ARHGAP22: variants seen among roughly 807,000 people sequenced by gnomAD.
ARHGAP22 encodes the protein rho GTPase-activating protein 22.
Under a neutral mutation model 59.1 loss-of-function variants are expected in ARHGAP22, and 48 were observed. The observed-to-expected ratio is 0.81, with a 90% CI of 0.64 to 1.03. The LOEUF (loss-of-function observed/expected upper bound fraction) is 1.03, where lower values mean the gene tolerates loss of function less well. Among genes scored for constraint, ARHGAP22 ranks in the 50% least tolerant of loss-of-function variants. The probability of loss-of-function intolerance (pLI) is 0.00; values close to 1 mark genes in which losing one functional copy is unlikely to be tolerated. For missense variants in ARHGAP22, 1,015 were observed against 958.7 expected (o/e 1.06, Z -0.78); for synonymous variants, 445 against 416.4 (o/e 1.07, Z -0.84).
In ARHGAP22 at chr10:48,450,586, C is replaced by A; in HGVS notation, c.1543G>T (p.Ala515Ser). 1 of 1,542,550 alleles carries A rather than the reference C, an allele frequency of 6.5e-7. No homozygotes were observed. The highest frequency in any genetic ancestry group is 1.2e-5 in the South Asian group (1 of 83,506). Residue 515 changes from alanine (A) to serine (S), a missense_variant, in exon 9 of 10, where the codon GCC becomes TCC. Ala to Ser is a moderately conservative substitution (Grantham distance 99, BLOSUM62 1). Coordinates refer to ENST00000249601, the MANE Select transcript of ARHGAP22 (RefSeq NM_021226.4). ...CCCACCGACGACTCGCTGGACGAGG[C>A]CCCGGACCACGCCATACTGGCCACG... ...PSVASMAWSG[A>S]SSSESSVGGS...
At chr10:48,485,348 G>A (rs572144026) in intron 3 of ARHGAP22, among the ~76,000 whole-genome samples, 13 of 152,180 alleles carry the variant, frequency 8.5e-5, no homozygotes, top group South Asian at 2.1e-4. Context: ...TTTCCCTTTG[G>A]ATTTCTTCTT....
chr10:48,619,214 G>T (rs1319569974), intron 1 of ARHGAP22, among the ~76,000 whole-genome samples: 1 of 152,004 alleles, frequency 6.6e-6, no homozygotes, highest in Non-Finnish European at 1.5e-5. Context: ...AAAATAGAAA[G>T]GCATCACATA....
At chr10:48,651,667 G>A (rs1324652193) in intron 1 of ARHGAP22, among the ~76,000 whole-genome samples, 1 of 151,886 alleles carries the variant, frequency 6.6e-6, no homozygotes, top group East Asian at 1.9e-4. Context: ...CCCACCCAGC[G>A]AGCACCTGCC....
intron 3 of ARHGAP22, chr10:48,523,967 A>G: frequency 7.8e-7 from 1 of 1,283,134 alleles, no homozygotes; most frequent in Non-Finnish European, 1.0e-6. Context: ...GCGGCCCTGG[A>G]CACCCCGTGG....
chr10:48,542,997 C>T (rs931732126), intron 3 of ARHGAP22, among the ~76,000 whole-genome samples: 3 of 152,284 alleles, frequency 2.0e-5, no homozygotes, highest in East Asian at 1.9e-4. Context: ...CAGAGCAGCA[C>T]GGTCCTAGTG....
chr10:48,605,159 G>A (rs909869814), upstream of ARHGAP22: 3 of 1,153,488 alleles, frequency 2.6e-6, no homozygotes, highest in African/African-American at 1.6e-5. Context: ...GGGGCCGAGA[G>A]GGGCGGGGCC....
intron 1 of ARHGAP22, among the ~76,000 whole-genome samples, chr10:48,599,123 G>C (rs1220404098): frequency 6.6e-6 from 1 of 152,176 alleles, no homozygotes; most frequent in African/African-American, 2.4e-5. Flanking sequence ...ACTTCAAGCA[G>C]GAAGTTCCAA....
At chr10:48,435,005 T>C in the ARHGAP22 span, 1 of 1,317,808 alleles carries the variant, frequency 7.6e-7, no homozygotes, top group Non-Finnish European at 1.0e-6. Flanking sequence ...AAGCAGCAGC[T>C]GGGCCTCTGG....
upstream of ARHGAP22, among the ~76,000 whole-genome samples, chr10:48,609,732 T>A (rs1483209555): frequency 6.6e-6 from 1 of 152,160 alleles, no homozygotes; most frequent in African/African-American, 2.4e-5. Flanking sequence ...GTTCGGCACC[T>A]TTAACATTTC....
At chr10:48,602,774 C>T (rs896938053) in intron 1 of ARHGAP22, among the ~76,000 whole-genome samples, 28 of 152,180 alleles carry the variant, frequency 1.8e-4, no homozygotes, top group Non-Finnish European at 3.2e-4. Flanking sequence ...ATCAGTCACA[C>T]TCAGGAGTAT....
At chr10:48,555,694 C>T (rs1016048129) in intron 2 of ARHGAP22, 144 bp from the exon 3 acceptor site, 2 of 699,478 alleles carry the variant, frequency 2.9e-6, no homozygotes, top group Non-Finnish European at 5.0e-6. Context: ...GAGGGGCACA[C>T]ACCTCCTCTC....
rs1180246846 is a variant in ARHGAP22 at position 48,450,615 on chromosome 10, G to C, written c.1514C>G (p.Pro505Arg). 1.3e-6 allele frequency: 2 copies of C among 1,548,504 alleles called. No homozygotes were observed. The highest frequency in any genetic ancestry group is 2.7e-5 in the African/African-American group (2 of 73,066). ...GGACCACGCCATACTGGCCACGCTG[G>C]GTATGCCGGGGACCAGGCCCGGCGC... ...VPAPGLVPGI[P>R]SVASMAWSGA... The change falls in exon 9 of 10, where the codon CCC becomes CGC. Residue 505 changes from proline (P) to arginine (R), a missense_variant. Coordinates refer to ENST00000249601, the MANE Select transcript of ARHGAP22 (RefSeq NM_021226.4).
chr10:48,464,642 A>T (rs1438035942), intron 4 of ARHGAP22, among the ~76,000 whole-genome samples: 1 of 152,158 alleles, frequency 6.6e-6, no homozygotes, highest in Non-Finnish European at 1.5e-5. Context: ...AAAGTAGGCG[A>T]TGTTCAAGGC....
chr10:48,498,775 G>A (rs924960114), intron 3 of ARHGAP22, among the ~76,000 whole-genome samples: 3 of 152,150 alleles, frequency 2.0e-5, no homozygotes, highest in African/African-American at 7.2e-5. Flanking sequence ...CAAAGCAGGG[G>A]AATGGGACAC....
chr10:48,502,862 G>A (rs2051668169), intron 3 of ARHGAP22, among the ~76,000 whole-genome samples: 1 of 152,252 alleles, frequency 6.6e-6, no homozygotes, highest in African/African-American at 2.4e-5. Flanking sequence ...TCAGAGAGTG[G>A]CCCGGTAGCG....
At chr10:48,551,272 T>C (rs929472765) in intron 3 of ARHGAP22, among the ~76,000 whole-genome samples, 1 of 152,220 alleles carries the variant, frequency 6.6e-6, no homozygotes, top group Non-Finnish European at 1.5e-5. Flanking sequence ...GCATCTTGCC[T>C]GTCTGCCCTG....
At chr10:48,514,493 A>G (rs2053100859) in intron 3 of ARHGAP22, among the ~76,000 whole-genome samples, 1 of 152,178 alleles carries the variant, frequency 6.6e-6, no homozygotes, top group South Asian at 2.1e-4. Flanking sequence ...TATATCCAGC[A>G]AAACCATCAT....
intron 3 of ARHGAP22, chr10:48,532,841 T>C (rs10857595): frequency 0.42 from 63,488 of 152,078 alleles, 14,249 homozygotes; most frequent in Middle Eastern, 0.53. Context: ...GGCTGCATAG[T>C]ATTCCATGGT....
At position 48,489,552 on chromosome 10, in the gene ARHGAP22, G is replaced by C. The variant is rs144842400; in HGVS notation, c.323-9788C>G. ...CTTCTCTGTAACTTAGGAAACATTAGTATTAGCTTTACTTAAATGAATAAG... is the reference window on the plus strand; with the variant it reads ...CTTCTCTGTAACTTAGGAAACATTACTATTAGCTTTACTTAAATGAATAAG... On this transcript the variant is annotated intron_variant, in intron 3 of 9. Coordinates refer to ENST00000249601, the MANE Select transcript of ARHGAP22 (RefSeq NM_021226.4). Among the ~76,000 whole-genome samples the C allele has an allele frequency of 5.9e-5, 9 of 152,260 alleles. No individual in the cohort carries two copies. The East Asian group carries it at 1.7e-3, about 29-fold the overall frequency.
Sources: allele counts gnomAD v4.1 joint callset (sites outside exome capture counted in the v4.1 genomes callset), GRCh38; gene constraint gnomAD v4.1.1; transcripts MANE v1.5; gene names NCBI Gene and HGNC (gene_info 2026-07-23, HGNC 2026-07-21).